The following FAR2 variants were observed in gnomAD, a reference collection of about 807,000 sequenced individuals.
FAR2 encodes epididymis secretory protein Li 81.
A neutral mutation model predicts 56.0 loss-of-function variants in FAR2; 19 were observed. The ratio of observed to expected loss-of-function variants is 0.34; its 90% CI spans 0.24 to 0.50. FAR2 has a LOEUF of 0.50. FAR2 is among the 20% of genes least tolerant of loss of function. The probability of loss-of-function intolerance (pLI) is 0.98; values close to 1 mark genes in which losing one functional copy is unlikely to be tolerated. For missense variants in FAR2, 508 were observed against 642.2 expected (o/e 0.79, Z 2.26); for synonymous variants, 219 against 218.8 (o/e 1.00, Z -0.01).
chr12:29,203,727 C>T (rs192875688), intron 1 of FAR2, among the ~76,000 whole-genome samples: 54 of 152,098 alleles, frequency 3.6e-4, no homozygotes, highest in Middle Eastern at 3.4e-3. Context: ...CGGCCGGGGG[C>T]GGTGGCTCAC....
At chr12:29,227,735 T>C (rs1947791363) in intron 1 of FAR2, among the ~76,000 whole-genome samples, 1 of 152,184 alleles carries the variant, frequency 6.6e-6, no homozygotes, top group African/African-American at 2.4e-5. Flanking sequence ...TTCTCTTGAC[T>C]GCAGGAAAAA....
intron 1 of FAR2, among the ~76,000 whole-genome samples, chr12:29,155,651 G>C (rs962147261): frequency 1.3e-5 from 2 of 152,158 alleles, no homozygotes; most frequent in Non-Finnish European, 2.9e-5. Flanking sequence ...GAAATTTAAC[G>C]TATATGAAAT....
At chr12:29,312,354 T>C (rs1019853262) in intron 8 of FAR2, among the ~76,000 whole-genome samples, 1 of 152,068 alleles carries the variant, frequency 6.6e-6, no homozygotes, top group African/African-American at 2.4e-5. Context: ...ACCAATGAGA[T>C]AGAAAAGTTA....
At chr12:29,232,265 G>A (rs983061239) in intron 1 of FAR2, among the ~76,000 whole-genome samples, 9 of 152,134 alleles carry the variant, frequency 5.9e-5, no homozygotes, top group Admixed American at 5.9e-4. Flanking sequence ...TGAGGTCTGC[G>A]TTGACCCTGA....
At chr12:29,225,903 A>G (rs1388507886) in intron 1 of FAR2, among the ~76,000 whole-genome samples, 1 of 152,180 alleles carries the variant, frequency 6.6e-6, no homozygotes. Flanking sequence ...TCTTTACCCT[A>G]GAGAATACTT....
At chr12:29,321,998 C>G (rs1328163528) in intron 10 of FAR2, 74 bp downstream of exon 10, 12 of 1,504,948 alleles carry the variant, frequency 8.0e-6, no homozygotes, top group Non-Finnish European at 1.1e-5. Flanking sequence ...ATTTGGAAAG[C>G]TGATGAATGA....
chr12:29,292,927 A>C (rs1485791380), intron 2 of FAR2: 2 of 154,806 alleles, frequency 1.3e-5, no homozygotes, highest in East Asian at 3.8e-4. Context: ...TGACTCTTCC[A>C]GAAAGATCTT....
chr12:29,259,786 A>G (rs1591902282), intron 1 of FAR2, among the ~76,000 whole-genome samples: 1 of 152,222 alleles, frequency 6.6e-6, no homozygotes, highest in Non-Finnish European at 1.5e-5. Flanking sequence ...CAGTAAAAAT[A>G]CGCAGACTCA....
intron 1 of FAR2, among the ~76,000 whole-genome samples, chr12:29,169,456 G>A (rs1015748371): frequency 2.0e-4 from 30 of 152,198 alleles, no homozygotes; most frequent in African/African-American, 6.5e-4. Flanking sequence ...GCCTGAAGGC[G>A]AGTAATAGCA....
At position 29,328,367 on chromosome 12, in the gene FAR2, G is replaced by A. The variant is rs963473681; in HGVS notation, c.1258-4233G>A. Among the ~76,000 whole-genome samples the A allele has an allele frequency of 1.8e-4, 27 of 152,216 alleles. No individual in the cohort carries two copies. The South Asian group carries it at 3.3e-3, about 19-fold the overall frequency. On this transcript the variant is annotated intron_variant, in intron 10 of 11. Coordinates refer to ENST00000536681, the MANE Select transcript of FAR2 (RefSeq NM_001271783.2). Reference sequence around the variant, plus strand: ...TGTGGCGATTCCTCAGGGATCTAGAGCTAGAAATACCATTTGACCCAGCCA... The same window carrying A: ...TGTGGCGATTCCTCAGGGATCTAGAACTAGAAATACCATTTGACCCAGCCA...
intron 1 of FAR2, among the ~76,000 whole-genome samples, chr12:29,193,970 T>C (rs961206165): frequency 6.6e-6 from 1 of 152,166 alleles, no homozygotes; most frequent in Admixed American, 6.5e-5. Flanking sequence ...ACATTGCCTT[T>C]TTAAGCACAA....
At chr12:29,230,487 T>C (rs1324000669) in intron 1 of FAR2, among the ~76,000 whole-genome samples, 1 of 152,056 alleles carries the variant, frequency 6.6e-6, no homozygotes, top group African/African-American at 2.4e-5. Context: ...CATTGTCCAG[T>C]GCCTTGCATG....
intron 2 of FAR2, among the ~76,000 whole-genome samples, chr12:29,283,854 G>A (rs1400798527): frequency 6.6e-6 from 1 of 152,172 alleles, no homozygotes; most frequent in African/African-American, 2.4e-5. Context: ...AATGTAGATA[G>A]TGCAATTGAT....
chr12:29,237,381 C>T (rs1479383945), intron 1 of FAR2, among the ~76,000 whole-genome samples: 3 of 152,054 alleles, frequency 2.0e-5, no homozygotes, highest in Non-Finnish European at 2.9e-5. Flanking sequence ...ATTGGGACAG[C>T]GGTAATTGTA....
At chr12:29,187,864 A>G (rs1350098155) in intron 1 of FAR2, among the ~76,000 whole-genome samples, 3 of 152,232 alleles carry the variant, frequency 2.0e-5, no homozygotes, top group Admixed American at 6.5e-5. Context: ...TGAAAGCAGC[A>G]GTAGCCAATA....
chr12:29,297,241 A>G, intron 4 of FAR2, 41 bp downstream of exon 4: 1 of 1,549,002 alleles, frequency 6.5e-7, no homozygotes, highest in Non-Finnish European at 8.8e-7. Context: ...CGGGTAGAAT[A>G]AGTTCCTTTG....
intron 10 of FAR2, among the ~76,000 whole-genome samples, chr12:29,328,196 C>T (rs1378320266): frequency 1.3e-5 from 2 of 152,080 alleles, no homozygotes; most frequent in African/African-American, 4.8e-5. Flanking sequence ...AAATCAAAAC[C>T]ACAATGAGAT....
intron 10 of FAR2, among the ~76,000 whole-genome samples, chr12:29,324,637 T>A (rs1027672698): frequency 1.2e-4 from 19 of 152,204 alleles, no homozygotes; most frequent in Middle Eastern, 3.4e-3. Context: ...GAATTTCATA[T>A]CCAGCCAAAC....
chr12:29,226,523 TAA>T (rs988703885), intron 1 of FAR2, among the ~76,000 whole-genome samples: 11 of 152,322 alleles, frequency 7.2e-5, no homozygotes, highest in South Asian at 2.1e-4. Flanking sequence ...GTTTAAATTA[TAA>T]GAGTTTCTTT....
Sources: allele counts gnomAD v4.1 joint callset (sites outside exome capture counted in the v4.1 genomes callset), GRCh38; gene constraint gnomAD v4.1.1; transcripts MANE v1.5; gene names NCBI Gene and HGNC (gene_info 2026-07-23, HGNC 2026-07-21).